The following ELAPOR2 variants were observed in gnomAD, a reference collection of about 807,000 sequenced individuals.
The protein encoded by ELAPOR2 is endosome-lysosome associated apoptosis and autophagy regulator family member 2, also known as endosome/lysosome-associated apoptosis and autophagy regulator family member 2.
A neutral mutation model predicts 120.7 loss-of-function variants in ELAPOR2; 89 were observed. The observed-to-expected ratio is 0.74, with a 90% confidence interval of 0.62 to 0.88. The LOEUF (loss-of-function observed/expected upper bound fraction) is 0.88. Ranked by LOEUF, ELAPOR2 falls within the 40% of genes least tolerant of loss-of-function variation. ELAPOR2 has a pLI of 0.00. For missense variants in ELAPOR2, 1,134 were observed against 1,251.6 expected, an observed-to-expected ratio of 0.91 and a Z score of 1.42; for synonymous variants, 444 against 444.9, an observed-to-expected ratio of 1.00 and a Z score of 0.03.
chr7:86,946,109 CATT>C (rs111539605), intron 3 of ELAPOR2, among the ~76,000 whole-genome samples: 63 of 151,374 alleles, frequency 4.2e-4, no homozygotes, highest in African/African-American at 1.5e-3. Flanking sequence ...ACATGTTTGA[CATT>C]ATTATCCAGC....
intron 1 of ELAPOR2, among the ~76,000 whole-genome samples, chr7:87,028,389 C>T (rs757165389): frequency 6.6e-6 from 1 of 152,064 alleles, no homozygotes; most frequent in Non-Finnish European, 1.5e-5. Context: ...CTTTATTTGA[C>T]CTCTGGGACA....
intron 8 of ELAPOR2, among the ~76,000 whole-genome samples, chr7:86,933,951 C>T (rs1340414891): frequency 6.6e-6 from 1 of 151,956 alleles, no homozygotes; most frequent in Non-Finnish European, 1.5e-5. Flanking sequence ...TGTATATGTG[C>T]TTGTGTGCAC....
chr7:87,056,574 C>T (rs1438531142), intron 1 of ELAPOR2, among the ~76,000 whole-genome samples: 2 of 152,196 alleles, frequency 1.3e-5, no homozygotes, highest in Non-Finnish European at 2.9e-5. Flanking sequence ...ACCAGCTGAA[C>T]ATTCCAACAC....
chr7:87,030,538 A>G (rs1794391856), intron 1 of ELAPOR2, among the ~76,000 whole-genome samples: 2 of 152,214 alleles, frequency 1.3e-5, no homozygotes, highest in South Asian at 4.1e-4. Flanking sequence ...TTTGGCCTAA[A>G]GCTGCCACCG....
At chr7:86,905,993 G>C (rs117768386) in intron 18 of ELAPOR2, among the ~76,000 whole-genome samples, 1,702 of 152,158 alleles carry the variant, frequency 0.011, 7 homozygotes, top group Non-Finnish European at 0.018. Flanking sequence ...CACACCTTAC[G>C]AGAGTTAGAG....
intron 8 of ELAPOR2, among the ~76,000 whole-genome samples, chr7:86,933,551 C>T (rs1790426422): frequency 6.6e-6 from 1 of 151,868 alleles, no homozygotes. Context: ...CCCACCAGTG[C>T]CATGACAATG....
At chr7:86,971,043 A>C (rs540841039) in intron 1 of ELAPOR2, among the ~76,000 whole-genome samples, 1 of 152,172 alleles carries the variant, frequency 6.6e-6, no homozygotes, top group Non-Finnish European at 1.5e-5. Context: ...ATGAAAGTAC[A>C]TAAGGTTTCT....
At position 86,897,624 on chromosome 7, in the gene ELAPOR2, G is replaced by A; in HGVS notation, c.2567C>T (p.Pro856Leu). 1 of 1,612,966 alleles carries A rather than the reference G, an allele frequency of 6.2e-7. No individual in the cohort carries two copies. Residue 856 changes from proline to leucine, a missense_variant, in exon 19 of 22, where the codon CCA becomes CTA. Physicochemically the swap from Pro to Leu is moderately conservative, Grantham distance 98. Transcript: ENST00000450689. ...AGVISVPSKCPAGTCDGCTFY... is the reference protein window; with the variant it reads ...AGVISVPSKCLAGTCDGCTFY... ...CGTACACCCATCACAGGTACCTGCT[G>A]GGCACTTGCTAAAATCATAAACAAA...
intron 18 of ELAPOR2, 58 bp from the exon 19 acceptor site, chr7:86,897,690 C>G (rs1412912022): frequency 1.1e-5 from 17 of 1,596,204 alleles, no homozygotes; most frequent in African/African-American, 1.3e-5. Context: ...CCCATTCAAT[C>G]CACTCTAATC....
At chr7:86,916,955 ATTTTTTTTTTTTTTT>A (rs58682563) in intron 12 of ELAPOR2, among the ~76,000 whole-genome samples, 2 of 86,700 alleles carry the variant, frequency 2.3e-5, no homozygotes, top group African/African-American at 1.1e-4. Context: ...TGGCCAGCTA[ATTTTTTTTTTTTTTT>A]TTTTTTTTTT....
At chr7:87,012,578 G>A (rs80285487) in intron 1 of ELAPOR2, among the ~76,000 whole-genome samples, 3,717 of 152,156 alleles carry the variant, frequency 0.024, 141 homozygotes, top group African/African-American at 0.085. Context: ...CACAACAGAT[G>A]TCTGTACACA....
At chr7:87,000,521 G>A (rs975781512) in intron 1 of ELAPOR2, among the ~76,000 whole-genome samples, 1 of 152,072 alleles carries the variant, frequency 6.6e-6, no homozygotes, top group Admixed American at 6.6e-5. Context: ...CAATTTGCTG[G>A]GGATTCTGAG....
In ELAPOR2 at chr7:87,032,103, G is replaced by A. The variant is rs554926656; in HGVS notation, c.189+27222C>T. 9.2e-5 allele frequency among the ~76,000 whole-genome samples: 14 copies of A among 152,208 alleles called. 1 individual carries two copies. The highest frequency in any genetic ancestry group is 7.2e-4 in the Admixed American group (11 of 15,278). ...TGTTGAAAATGACTATCTTGATTAT[G>A]ACAATAGTTTCATGAGTGCTTACAT... On this transcript the variant is annotated intron_variant, in intron 1 of 21. Transcript: ENST00000450689.
At chr7:86,887,937 C>T (rs1169248932) in intron 21 of ELAPOR2, among the ~76,000 whole-genome samples, 1 of 152,058 alleles carries the variant, frequency 6.6e-6, no homozygotes, top group Non-Finnish European at 1.5e-5. Flanking sequence ...TTACACTTAT[C>T]TGAACATCCT....
At chr7:87,050,340 T>C (rs1562986993) in intron 1 of ELAPOR2, among the ~76,000 whole-genome samples, 1 of 152,164 alleles carries the variant, frequency 6.6e-6, no homozygotes, top group Non-Finnish European at 1.5e-5. Context: ...TGCTCATGGC[T>C]TGGTGCTATC....
At chr7:86,999,166 A>C (rs1373135280) in intron 1 of ELAPOR2, among the ~76,000 whole-genome samples, 1 of 152,132 alleles carries the variant, frequency 6.6e-6, no homozygotes, top group Non-Finnish European at 1.5e-5. Flanking sequence ...AAAAAGAAAA[A>C]AAAAGATAAA....
chr7:86,904,992 C>A (rs536013178), intron 18 of ELAPOR2, among the ~76,000 whole-genome samples: 13 of 151,708 alleles, frequency 8.6e-5, no homozygotes, highest in African/African-American at 2.7e-4. Flanking sequence ...TCCCTCCCTC[C>A]ACTCTGGAAA....
intron 1 of ELAPOR2, among the ~76,000 whole-genome samples, chr7:87,029,809 G>A (rs1303807840): frequency 2.0e-5 from 3 of 152,054 alleles, no homozygotes; most frequent in Non-Finnish European, 4.4e-5. Context: ...GCAAAAACCT[G>A]GGGCAATCGA....
chr7:87,054,129 T>C (rs952249114), intron 1 of ELAPOR2, among the ~76,000 whole-genome samples: 2 of 152,028 alleles, frequency 1.3e-5, no homozygotes, highest in Non-Finnish European at 2.9e-5. Flanking sequence ...AGAACACACA[T>C]GATGAAAGGC....
Sources: gnomAD v4.1 joint callset for allele counts (sites outside exome capture counted in the v4.1 genomes callset) on GRCh38, gnomAD v4.1.1 for gene constraint, MANE v1.5 for transcripts, NCBI Gene and HGNC (gene_info 2026-07-23, HGNC 2026-07-21) for gene names.